The following ABCA5 variants were observed in gnomAD, a reference collection of about 807,000 sequenced individuals.
ABCA5 encodes the protein ATP binding cassette subfamily A member 5.
ABCA5 carries 163 observed loss-of-function variants against 206.0 expected under a neutral mutation model. The observed-to-expected ratio is 0.79, with a 90% CI of 0.70 to 0.90. The LOEUF is 0.90. Ranked by LOEUF, ABCA5 falls within the 40% of genes least tolerant of loss-of-function variation. The pLI is 0.00. For missense variants in ABCA5, 1,859 were observed against 1,912.9 expected, an observed-to-expected ratio of 0.97 and a Z score of 0.53; for synonymous variants, 609 against 613.8, an observed-to-expected ratio of 0.99 and a Z score of 0.11.
rs752873499 is a variant in ABCA5 at position 69,297,244 on chromosome 17, A to G, written c.1383T>C (p.Phe461=). The change falls in exon 10 of 39, where the codon TTT becomes TTC. Residue 461 remains phenylalanine (F), a synonymous_variant. Transcript: ENST00000392676. ...AAGAAACTGGCTCAATAATTTCACTAAAACTAATATTTCCATTAACATTGC... is the reference window on the plus strand; with the variant it reads ...AAGAAACTGGCTCAATAATTTCACTGAAACTAATATTTCCATTAACATTGC... ...SEGNVNGNIS[F]SEIIEPVSSE... is the part of the protein sequence containing the mutation. 6 of 1,612,948 alleles carry G rather than the reference A, an allele frequency of 3.7e-6. No individual in the cohort carries two copies. Among genetic ancestry groups the G allele is most frequent in the Non-Finnish European group, 5.1e-6 (6 of 1,179,654 alleles).
intron 1 of ABCA5, among the ~76,000 whole-genome samples, chr17:69,319,593 C>G (rs934556608): frequency 7.9e-5 from 12 of 152,062 alleles, no homozygotes; most frequent in Non-Finnish European, 1.6e-4. Flanking sequence ...ACTAAGAGAC[C>G]CACAGACTGG....
At position 69,259,798 on chromosome 17, in the gene ABCA5, C is replaced by T; in HGVS notation, c.3640-1G>A. The T allele has an allele frequency of 6.4e-7, 1 of 1,566,476 alleles. No homozygotes were observed. The highest frequency in any genetic ancestry group is 8.7e-7 in the Non-Finnish European group (1 of 1,150,762). ...TCCACAGTACACACTGCAGGTAAGG[C>T]TAAAAGAAGAACATGTAGCAGCTCA... On this transcript the variant is annotated splice_acceptor_variant, in intron 27 of 38. Transcript: ENST00000392676. LOFTEE classifies it high-confidence loss of function.
chr17:69,296,242 T>C (rs1206133004), intron 10 of ABCA5, among the ~76,000 whole-genome samples: 1 of 152,174 alleles, frequency 6.6e-6, no homozygotes, highest in Non-Finnish European at 1.5e-5. Flanking sequence ...CAGTTAAAAT[T>C]TACCGTTAAG....
rs1311865956 is a variant in ABCA5 at position 69,274,014 on chromosome 17, T to C, written c.2709A>G (p.Lys903=). 6.2e-7 allele frequency: 1 copy of C among 1,611,116 alleles called. No homozygotes were observed. The highest frequency in any genetic ancestry group is 8.5e-7 in the Non-Finnish European group (1 of 1,179,102). Residue 903 remains lysine, a synonymous_variant, in exon 20 of 39, where the codon AAA becomes AAG. Coordinates refer to ENST00000392676, the MANE Select transcript of ABCA5 (RefSeq NM_172232.4). The stretch of plus-strand genomic sequence containing the variant: ...TGTATTTATGTGGTTTGTCTCCAGG[T>C]TTTAGAAAATATAAGTCTGGAACAA... The part of the protein sequence containing the change: ...IKLVPDLYFL[K]PGDKPHKYKT...
chr17:69,313,971 T>C (rs2075793264), intron 2 of ABCA5, among the ~76,000 whole-genome samples: 1 of 152,048 alleles, frequency 6.6e-6, no homozygotes, highest in South Asian at 2.1e-4. Context: ...CAATCTAGAG[T>C]CCATAAAATA....
chr17:69,257,641 G>C (rs369416030), intron 28 of ABCA5, among the ~76,000 whole-genome samples: 14 of 151,644 alleles, frequency 9.2e-5, no homozygotes, highest in African/African-American at 2.9e-4. Context: ...AGATCCATGG[G>C]TTCTTTCATA....
intron 20 of ABCA5, among the ~76,000 whole-genome samples, chr17:69,272,327 A>G (rs966770373): frequency 2.0e-5 from 3 of 152,150 alleles, no homozygotes; most frequent in Non-Finnish European, 2.9e-5. Flanking sequence ...CACAGAGGCC[A>G]GTGGTTCAAA....
chr17:69,283,380 A>G lies in ABCA5; in HGVS notation c.2392+573T>C, dbSNP rs186121101. Among the ~76,000 whole-genome samples, 4 of 152,344 alleles carry G rather than the reference A, an allele frequency of 2.6e-5. No individual in the cohort carries two copies. The East Asian group carries it at 7.7e-4, about 29-fold the overall frequency. On this transcript the variant is annotated intron_variant, in intron 18 of 38. Coordinates refer to ENST00000392676, the MANE Select transcript of ABCA5 (RefSeq NM_172232.4). The stretch of plus-strand genomic sequence containing the variant: ...TCCACACTTCCTTTATAATACTCTT[A>G]TCATTCAACAACCAGAACGTGTTTT...
intron 9 of ABCA5, among the ~76,000 whole-genome samples, chr17:69,298,645 G>A (rs746387872): frequency 5.9e-5 from 9 of 151,908 alleles, no homozygotes; most frequent in Admixed American, 2.6e-4. Context: ...CAAGCCACAC[G>A]TAGAAGAATG....
intron 22 of ABCA5, among the ~76,000 whole-genome samples, chr17:69,269,496 C>G (rs2075248360): frequency 6.6e-6 from 1 of 152,154 alleles, no homozygotes; most frequent in South Asian, 2.1e-4. Flanking sequence ...GGCAGTTCTT[C>G]AAGTGTTAAA....
chr17:69,248,086 A>T (rs904874670), intron 38 of ABCA5, among the ~76,000 whole-genome samples, 176 bp downstream of exon 38: 1 of 152,104 alleles, frequency 6.6e-6, no homozygotes, highest in Non-Finnish European at 1.5e-5. Flanking sequence ...AATAAAATTT[A>T]AAAAATTAGT....
At chr17:69,252,178 AT>A (rs35678568) in intron 34 of ABCA5, among the ~76,000 whole-genome samples, 12 of 150,386 alleles carry the variant, frequency 8.0e-5, no homozygotes, top group South Asian at 2.1e-4. Context: ...CACCCGGCTA[AT>A]TTTTTTTTGT....
chr17:69,266,394 G>C (rs1415185733), intron 23 of ABCA5, among the ~76,000 whole-genome samples: 1 of 151,948 alleles, frequency 6.6e-6, no homozygotes, highest in African/African-American at 2.4e-5. Context: ...AATGTAAAGA[G>C]TACACAGGAT....
rs1472875323 is a variant in ABCA5, at chr17:69,286,329, C to T, written c.2042-18G>A. 4 of 1,576,898 alleles carry T rather than the reference C, an allele frequency of 2.5e-6. No individual in the cohort carries two copies. The highest frequency in any genetic ancestry group is 1.2e-5 in the South Asian group (1 of 85,504). ...TTTCCTATCTGCAGATAAATATTTACATTTCAATTTCTAAAGTATCAACAG... is the reference window on the plus strand; with the variant it reads ...TTTCCTATCTGCAGATAAATATTTATATTTCAATTTCTAAAGTATCAACAG... On this transcript the variant is annotated intron_variant, in intron 15 of 38. Transcript: ENST00000392676.
rs750948598 is a variant in ABCA5 at position 69,259,703 on chromosome 17, G to T, written c.3731+3C>A. ...ATTTAAAATTTTTAAAAAATCAACT[G>T]ACCTGAAAAAGGGATCTTTTCTTAT... On this transcript the variant is annotated splice_donor_region_variant and intron_variant, in intron 28 of 38. Transcript: ENST00000392676. 5 of 1,578,320 alleles carry T rather than the reference G, an allele frequency of 3.2e-6. No homozygotes were observed. The highest frequency in any genetic ancestry group is 4.3e-6 in the Non-Finnish European group (5 of 1,152,796).
intron 1 of ABCA5, among the ~76,000 whole-genome samples, chr17:69,315,934 A>G (rs1466654202): frequency 2.0e-5 from 3 of 152,170 alleles, no homozygotes; most frequent in Non-Finnish European, 2.9e-5. Flanking sequence ...GAAAGCAATG[A>G]AAAATAGAAA....
Position 69,306,879 on chromosome 17 carries a change from C to A in ABCA5, c.634G>T (p.Glu212Ter), listed in dbSNP as rs2075723129. ...AVIMGETAVV[E>*]IDTFPRGVIL... Reference sequence around the variant, plus strand: ...ACTCCTCGGGGAAAGGTATCTATTTCTACAACAGCAGTTTCTCCCATAATA... The same window carrying A: ...ACTCCTCGGGGAAAGGTATCTATTTATACAACAGCAGTTTCTCCCATAATA... Residue 212 changes from glutamate to a stop codon, truncating the protein, a stop_gained, in exon 6 of 39, where the codon GAA becomes TAA. Coordinates refer to ENST00000392676, the MANE Select transcript of ABCA5 (RefSeq NM_172232.4). LOFTEE classifies it high-confidence loss of function. The A allele has an allele frequency of 1.9e-6, 3 of 1,597,304 alleles. No individual in the cohort carries two copies. In the Admixed American group the frequency reaches 5.1e-5, roughly 27 times the overall value.
rs1387058859 is a variant in ABCA5 at position 69,263,708 on chromosome 17, T to TTTTTTTTC, written c.3315+1026_3315+1027insGAAAAAAA. Among the ~76,000 whole-genome samples, 3 of 147,162 alleles carry TTTTTTTTC rather than the reference T, an allele frequency of 2.0e-5. No homozygotes were observed. The East Asian group carries it at 5.9e-4, about 29-fold the overall frequency. On this transcript the variant is annotated intron_variant, in intron 24 of 38. Transcript: ENST00000392676. ...TTTTACATGGATTCCTTTTTTTTTT[T>TTTTTTTTC]TTTTTTGATAAAAAGTCTCTCTCTG...
Position 69,297,373 on chromosome 17 carries a change from A to T in ABCA5, c.1268-14T>A, listed in dbSNP as rs187066409. The T allele has an allele frequency of 6.3e-7, 1 of 1,576,990 alleles. No homozygotes were observed. ...AGCCAAATTCCCCTGAAAAATAAACATTAAAAAACTGAGTTACCATAATTA... is the reference window on the plus strand; with the variant it reads ...AGCCAAATTCCCCTGAAAAATAAACTTTAAAAAACTGAGTTACCATAATTA... On this transcript the variant is annotated splice_polypyrimidine_tract_variant and intron_variant, in intron 9 of 38. Coordinates refer to ENST00000392676, the MANE Select transcript of ABCA5 (RefSeq NM_172232.4).
Sources: allele counts gnomAD v4.1 joint callset (sites outside exome capture counted in the v4.1 genomes callset), GRCh38; gene constraint gnomAD v4.1.1; transcripts MANE v1.5; gene names NCBI Gene and HGNC (gene_info 2026-07-23, HGNC 2026-07-21).